The following TMEM255B variants were observed in gnomAD, a reference collection of about 807,000 sequenced individuals.
The protein encoded by TMEM255B is family with sequence similarity 70, member B.
A neutral mutation model predicts 34.5 loss-of-function variants in TMEM255B; 35 were observed. The ratio of observed to expected loss-of-function variants is 1.01; its 90% CI spans 0.77 to 1.34. TMEM255B has a LOEUF of 1.34. TMEM255B is among the 40% of genes most tolerant of loss of function. The pLI is 0.00. For missense variants in TMEM255B, 432 were observed against 433.2 expected (o/e 1.00, Z 0.02); for synonymous variants, 206 against 201.2 (o/e 1.02, Z -0.20).
chr13:113,766,515 A>G (rs975110715), intron 2 of TMEM255B: 1 of 578,126 alleles, frequency 1.7e-6, no homozygotes, highest in Non-Finnish European at 3.2e-6. Context: ...GGTGCCCTCC[A>G]TTGTCTGGGT....
chr13:113,760,769 T>C (rs2050292524), intron 1 of TMEM255B, among the ~76,000 whole-genome samples: 1 of 135,266 alleles, frequency 7.4e-6, no homozygotes, highest in Non-Finnish European at 1.6e-5. Flanking sequence ...GGGTGGATTA[T>C]GGTCTTTCTG....
Position 113,766,224 on chromosome 13 carries a change from T to C in TMEM255B, c.156T>C (p.Asn52=), listed in dbSNP as rs1463071427. 3 of 1,614,060 alleles carry C rather than the reference T, an allele frequency of 1.9e-6. No individual in the cohort carries two copies. In the African/African-American group the frequency reaches 4.0e-5, roughly 22 times the overall value. ...TGGCTGCCACCACCAGGACGGAGAA[T>C]GTGACCGTTGGGGGCTACTACCCAG... The part of the protein sequence containing the change: ...VGLAATTRTE[N]VTVGGYYPGI... Residue 52 remains asparagine (N), a synonymous_variant, in exon 2 of 9, where the codon AAT becomes AAC. Coordinates refer to ENST00000375353, the MANE Select transcript of TMEM255B (RefSeq NM_182614.4).
At chr13:113,771,788 G>A (rs534447733) in intron 3 of TMEM255B, among the ~76,000 whole-genome samples, 1 of 152,344 alleles carries the variant, frequency 6.6e-6, no homozygotes, top group East Asian at 1.9e-4. Context: ...GACTTTGGCT[G>A]TTGTGAATAA....
At chr13:113,775,157 C>T (rs996486953) in intron 3 of TMEM255B, among the ~76,000 whole-genome samples, 1 of 150,768 alleles carries the variant, frequency 6.6e-6, no homozygotes, top group East Asian at 2.0e-4. Flanking sequence ...GACACACACA[C>T]TACACAATGC....
rs1294078145 is a variant in TMEM255B at position 113,806,761 on chromosome 13, C to T, written c.813+1733C>T. The stretch of plus-strand genomic sequence containing the variant: ...GGCCACAGCCCTGTCCTGGGGGCTT[C>T]TCTCTGGCCTCCTGGTCTCCCGTGG... On this transcript the variant is annotated intron_variant, in intron 8 of 8. Coordinates refer to ENST00000375353, the MANE Select transcript of TMEM255B (RefSeq NM_182614.4). The surrounding 1 kb of genome is among the most constrained non-coding windows in gnomAD (Gnocchi z 4.2). Among the ~76,000 whole-genome samples, 1 of 152,146 alleles carries T rather than the reference C, an allele frequency of 6.6e-6. No individual in the cohort carries two copies. The highest frequency in any genetic ancestry group is 2.4e-5 in the African/African-American group (1 of 41,438).
intron 4 of TMEM255B, among the ~76,000 whole-genome samples, chr13:113,798,471 TGATGGATGGATGGTTGGATGATGGTTG>T (rs1236643075): frequency 2.1e-5 from 3 of 145,050 alleles, no homozygotes; most frequent in Non-Finnish European, 4.5e-5. Flanking sequence ...AATGGATGGA[TGATGGATGGATGGTTGGATGATGGTTG>T]GATGGATGGA....
At chr13:113,791,247 G>C (rs775388147) in intron 3 of TMEM255B, among the ~76,000 whole-genome samples, 13 of 152,346 alleles carry the variant, frequency 8.5e-5, no homozygotes, top group Non-Finnish European at 1.8e-4. Flanking sequence ...GCACATCCTG[G>C]CAGAGTCTCT....
chr13:113,783,745 T>G (rs1490605521), intron 3 of TMEM255B, among the ~76,000 whole-genome samples: 2 of 151,480 alleles, frequency 1.3e-5, no homozygotes, highest in Non-Finnish European at 2.9e-5. Flanking sequence ...GCTAAAGGCT[T>G]GGGGGTAGGA....
intron 3 of TMEM255B, among the ~76,000 whole-genome samples, chr13:113,785,893 T>G (rs1482026416): frequency 6.6e-6 from 1 of 152,150 alleles, no homozygotes; most frequent in African/African-American, 2.4e-5. Context: ...GCCAGATGCT[T>G]CTCGGAGTGT....
chr13:113,781,423 C>A (rs967015678), intron 3 of TMEM255B, among the ~76,000 whole-genome samples: 1 of 152,224 alleles, frequency 6.6e-6, no homozygotes, highest in Admixed American at 6.5e-5. Context: ...TCCCGTGCCT[C>A]CTTATAATCT....
intron 3 of TMEM255B, among the ~76,000 whole-genome samples, chr13:113,775,788 C>G (rs1333852112): frequency 6.6e-6 from 1 of 152,254 alleles, no homozygotes; most frequent in Non-Finnish European, 1.5e-5. Context: ...GCCTCTTTCC[C>G]TGAAGCTCCT....
rs1429432372 is a variant in TMEM255B at position 113,769,704 on chromosome 13, G to A, written c.252+544G>A. On this transcript the variant is annotated intron_variant, in intron 3 of 8. Transcript: ENST00000375353. The surrounding 1 kb of genome is among the most constrained non-coding windows in gnomAD (Gnocchi z 4.2). ...GTCCATGATGTTCGTGGCTGTATGCGCGGCAACAGCGATCAGGTTCAGCTG... is the reference window on the plus strand; with the variant it reads ...GTCCATGATGTTCGTGGCTGTATGCACGGCAACAGCGATCAGGTTCAGCTG... The A allele has an allele frequency of 1.9e-5, 2 of 102,840 alleles. No homozygotes were observed. Among genetic ancestry groups the A allele is most frequent in the Non-Finnish European group, 4.0e-5 (2 of 49,634 alleles). The allele number at this position is 102,840 out of a possible 1,614,324, so 6.4% of individuals were successfully genotyped here.
rs534493487 is a variant in TMEM255B, at chr13:113,768,931, A to C, written c.190-167A>C. 8 of 729,690 alleles carry C rather than the reference A, an allele frequency of 1.1e-5. No homozygotes were observed. The South Asian group carries it at 1.2e-4, about 11-fold the overall frequency. 45.2% of individuals were successfully genotyped at this position (729,690 alleles called of 1,614,324 possible). ...GTTGCAGAGATGCCTGCCCAACGCC[A>C]GCAGACGCACCTGCTGCTCAGTGGT... On this transcript the variant is annotated intron_variant, in intron 2 of 8. Coordinates refer to ENST00000375353, the MANE Select transcript of TMEM255B (RefSeq NM_182614.4).
At position 113,766,170 on chromosome 13, in the gene TMEM255B, G is replaced by T. The variant is rs764992235; in HGVS notation, c.102G>T (p.Leu34=). 1.1e-5 allele frequency: 18 copies of T among 1,614,106 alleles called. No homozygotes were observed. Among genetic ancestry groups the T allele is most frequent in the Non-Finnish European group, 1.4e-5 (16 of 1,180,044 alleles). Residue 34 remains leucine (L), a synonymous_variant, in exon 2 of 9, where the codon CTG becomes CTT. Coordinates refer to ENST00000375353, the MANE Select transcript of TMEM255B (RefSeq NM_182614.4). ...TSLWFVGSLL[L]VSVLIVTVGL... Reference sequence around the variant, plus strand: ...TCTGGTTTGTGGGGTCTCTGCTGCTGGTGTCCGTCCTCATAGTCACCGTCG... The same window carrying T: ...TCTGGTTTGTGGGGTCTCTGCTGCTTGTGTCCGTCCTCATAGTCACCGTCG...
At position 113,803,563 on chromosome 13, in the gene TMEM255B, C is replaced by T. The variant is rs2051104708; in HGVS notation, c.670-1322C>T. 1.3e-5 allele frequency among the ~76,000 whole-genome samples: 2 copies of T among 148,754 alleles called. 1 individual carries two copies. The highest frequency in any genetic ancestry group is 4.2e-4 in the South Asian group (2 of 4,772). On this transcript the variant is annotated intron_variant, in intron 7 of 8. Coordinates refer to ENST00000375353, the MANE Select transcript of TMEM255B (RefSeq NM_182614.4). ...CCCCGTGTTCTCTGCTTTCTGTGCACTCGCCCCGGCCCCATCCTCAGGCCA... is the reference window on the plus strand; with the variant it reads ...CCCCGTGTTCTCTGCTTTCTGTGCATTCGCCCCGGCCCCATCCTCAGGCCA...
chr13:113,794,970 G>A (rs947558653), intron 3 of TMEM255B, among the ~76,000 whole-genome samples, 178 bp from the exon 4 acceptor site: 27 of 152,274 alleles, frequency 1.8e-4, no homozygotes, highest in Non-Finnish European at 1.5e-5. Flanking sequence ...GCGTGAGGAC[G>A]ACCCGCAGGG....
rs1301509324 is a variant in TMEM255B, at chr13:113,812,390, G to A, written c.*487G>A. ...TCCTGACGTATGCCAGGAAGGGAAG[G>A]ACGCTTCGGCTCCAACGCCCAGCGC... On this transcript the variant is annotated 3_prime_UTR_variant, in exon 9 of 9. Transcript: ENST00000375353. 1 of 160,662 alleles carries A rather than the reference G, an allele frequency of 6.2e-6. No homozygotes were observed. The highest frequency in any genetic ancestry group is 1.4e-5 in the Non-Finnish European group (1 of 73,208). 10.0% of individuals were successfully genotyped at this position (160,662 alleles called of 1,614,324 possible).
intron 1 of TMEM255B, among the ~76,000 whole-genome samples, chr13:113,760,938 A>G (rs1374430666): frequency 5.5e-5 from 5 of 91,610 alleles, no homozygotes; most frequent in Non-Finnish European, 6.5e-5. Context: ...GTGTGTCTGG[A>G]GGTAGATTGT....
chr13:113,775,732 C>A (rs2050565744), intron 3 of TMEM255B, among the ~76,000 whole-genome samples: 1 of 152,250 alleles, frequency 6.6e-6, no homozygotes, highest in African/African-American at 2.4e-5. Context: ...TCGCTGGGCA[C>A]CCAGCTCGGG....
Sources: gnomAD v4.1 joint callset for allele counts (sites outside exome capture counted in the v4.1 genomes callset) on GRCh38, gnomAD v4.1.1 for gene constraint, Gnocchi (gnomAD v3.1) non-coding constraint, MANE v1.5 for transcripts, NCBI Gene and HGNC (gene_info 2026-07-23, HGNC 2026-07-21) for gene names.